The following RUNX3 variants were observed in gnomAD, a reference collection of about 807,000 sequenced individuals.
RUNX3 encodes RUNX family transcription factor 3.
A neutral mutation model predicts 27.7 loss-of-function variants in RUNX3; 10 were observed. The observed-to-expected ratio is 0.36, with a 90% confidence interval of 0.22 to 0.61. The LOEUF is 0.61. RUNX3 is among the 20% of genes least tolerant of loss of function. RUNX3 has a pLI of 0.72. For missense variants in RUNX3, 469 were observed against 629.5 expected, an observed-to-expected ratio of 0.75 and a Z score of 2.73; for synonymous variants, 270 against 269.2, an observed-to-expected ratio of 1.00 and a Z score of -0.03.
chr1:24,930,645 T>G (rs535987934), upstream of RUNX3, among the ~76,000 whole-genome samples: 158 of 152,248 alleles, frequency 1.0e-3, no homozygotes, highest in Admixed American at 2.4e-3. The surrounding 1 kb of genome is among the most constrained non-coding windows in gnomAD (Gnocchi z 4.1). Context: ...GCGGCCGGGC[T>G]TCCCCAGCTC....
chr1:24,937,732 A>C (rs779170523), intron 2 of RUNX3, among the ~76,000 whole-genome samples: 4 of 152,212 alleles, frequency 2.6e-5, no homozygotes, highest in Non-Finnish European at 4.4e-5. Flanking sequence ...AGGCCAGAGA[A>C]GTGAAGGTTC....
rs1255138128 is a variant in RUNX3 at position 24,949,848 on chromosome 1, CAG to C, written c.58+14664_58+14665del. Among the ~76,000 whole-genome samples, 3 of 152,364 alleles carry C rather than the reference CAG, an allele frequency of 2.0e-5. No individual in the cohort carries two copies. The East Asian group carries it at 5.8e-4, about 29-fold the overall frequency. On this transcript the variant is annotated intron_variant, in intron 2 of 6. Coordinates refer to the RUNX3 transcript ENST00000338888. ...CTTGGCAGAAGGGTGGGCCTTGGCTCAGAGCATGGGGCCACCCCAGGAGGGGT... is the reference window on the plus strand; with the variant it reads ...CTTGGCAGAAGGGTGGGCCTTGGCTCAGCATGGGGCCACCCCAGGAGGGGT...
intron 2 of RUNX3, among the ~76,000 whole-genome samples, chr1:24,950,809 G>A (rs1024255541): frequency 1.3e-5 from 2 of 152,174 alleles, no homozygotes; most frequent in Admixed American, 1.3e-4. Flanking sequence ...CATGACCCTG[G>A]ATCAGGCAGA....
upstream of RUNX3, among the ~76,000 whole-genome samples, chr1:24,931,741 G>A (rs1641233525): frequency 6.6e-6 from 1 of 152,216 alleles, no homozygotes; most frequent in Admixed American, 6.5e-5. Context: ...GTGCGCTCCA[G>A]GGGCGAAGGA....
At chr1:24,906,965 G>A (rs530250799) in intron 4 of RUNX3, among the ~76,000 whole-genome samples, 2 of 152,310 alleles carry the variant, frequency 1.3e-5, no homozygotes, top group Admixed American at 1.3e-4. Flanking sequence ...GGGCACTATG[G>A]GGTTAACCCC....
intron 2 of RUNX3, among the ~76,000 whole-genome samples, chr1:24,955,324 G>C (rs1232968201): frequency 1.3e-5 from 2 of 152,204 alleles, no homozygotes; most frequent in Non-Finnish European, 2.9e-5. Context: ...GCAGAAGGGA[G>C]AGTTTGACGG....
At chr1:24,907,206 G>C (rs552853837) in intron 4 of RUNX3, 53 bp downstream of exon 4, 1 of 1,569,560 alleles carries the variant, frequency 6.4e-7, no homozygotes, top group Non-Finnish European at 8.6e-7. Context: ...GGACCACATC[G>C]AGGCCCTCCA....
chr1:24,935,127 C>T (rs1305918761), upstream of RUNX3, among the ~76,000 whole-genome samples: 2 of 152,344 alleles, frequency 1.3e-5, no homozygotes, highest in Middle Eastern at 6.8e-3. Flanking sequence ...GGAGCAAGCA[C>T]CTCGAGGCAA....
intron 2 of RUNX3, among the ~76,000 whole-genome samples, chr1:24,954,277 G>C (rs373337107): frequency 6.6e-6 from 1 of 152,226 alleles, no homozygotes; most frequent in Non-Finnish European, 1.5e-5. Context: ...GTTCTACAAC[G>C]TAAAATGCAG....
rs117654290 is a variant in RUNX3, at chr1:24,913,128, T to A, written c.545-5711A>T. 6.6e-5 allele frequency among the ~76,000 whole-genome samples: 10 copies of A among 152,292 alleles called. No individual in the cohort carries two copies. In the East Asian group the frequency reaches 1.5e-3, roughly 24 times the overall value. The stretch of plus-strand genomic sequence containing the variant: ...ACTGTCTAACCCCTGAGGGTGCCGA[T>A]GAGCTGGAGGACAGGCCACATGCTT... On this transcript the variant is annotated intron_variant, in intron 3 of 4. Transcript: ENST00000308873.
At chr1:24,908,222 CTGAACCTCTATGA>C (rs1640719947) in intron 3 of RUNX3, among the ~76,000 whole-genome samples, 14 of 148,204 alleles carry the variant, frequency 9.4e-5, no homozygotes, top group African/African-American at 3.3e-4. Context: ...ACGCGGTGAT[CTGAACCTCTATGA>C]CACGCGGTGA....
At position 24,927,554 on chromosome 1, in the gene RUNX3, G is replaced by T. The variant is rs771718075; in HGVS notation, c.439+20C>A. 1 of 1,613,026 alleles carries T rather than the reference G, an allele frequency of 6.2e-7. No individual in the cohort carries two copies. Among genetic ancestry groups the T allele is most frequent in the Non-Finnish European group, 8.5e-7 (1 of 1,179,328 alleles). On this transcript the variant is annotated intron_variant, in intron 2 of 4. Coordinates refer to ENST00000308873, the MANE Select transcript of RUNX3 (RefSeq NM_004350.3). This position sits in a 1 kb window ranked among gnomAD's most constrained non-coding sequence, Gnocchi z 5.0. The stretch of plus-strand genomic sequence containing the variant: ...CTGCCATTGCCAATGCTGAAATGGC[G>T]AGGCCTCCCTTCCACTTACCTCGCC...
At chr1:24,959,630 T>C (rs895769769) in intron 2 of RUNX3, among the ~76,000 whole-genome samples, 4 of 152,272 alleles carry the variant, frequency 2.6e-5, no homozygotes, top group Admixed American at 1.3e-4. Context: ...TCCCCTGTTA[T>C]TGGAACTTCC....
intron 2 of RUNX3, among the ~76,000 whole-genome samples, chr1:24,947,796 C>T (rs183636979): frequency 5.8e-4 from 89 of 152,324 alleles, no homozygotes; most frequent in African/African-American, 1.7e-3. Flanking sequence ...AGATCACAGC[C>T]GGAGCTGGCA....
rs1415660480 is a variant in RUNX3 at position 24,923,868 on chromosome 1, A to T, written c.439+3706T>A. ...CCAGTTGATCACAGCTCGAGAGCTC[A>T]TGTGCTTTTCATTTTCACTTAGGCC... On this transcript the variant is annotated intron_variant, in intron 2 of 4. Coordinates refer to ENST00000308873, the MANE Select transcript of RUNX3 (RefSeq NM_004350.3). This position sits in a 1 kb window ranked among gnomAD's most constrained non-coding sequence, Gnocchi z 5.9. Among the ~76,000 whole-genome samples the T allele has an allele frequency of 6.6e-6, 1 of 152,120 alleles. No homozygotes were observed. Among genetic ancestry groups the T allele is most frequent in the Non-Finnish European group, 1.5e-5 (1 of 68,008 alleles).
intron 2 of RUNX3, among the ~76,000 whole-genome samples, chr1:24,956,248 G>T (rs1641920748): frequency 6.6e-6 from 1 of 152,214 alleles, no homozygotes; most frequent in Non-Finnish European, 1.5e-5. Context: ...CCTGTTCCTG[G>T]GAGGGTGGGA....
At chr1:24,959,236 C>T (rs1158177642) in intron 2 of RUNX3, among the ~76,000 whole-genome samples, 4 of 152,206 alleles carry the variant, frequency 2.6e-5, no homozygotes, top group Non-Finnish European at 4.4e-5. Context: ...GCCTCCAGCC[C>T]GCCAGAGTGG....
intron 2 of RUNX3, among the ~76,000 whole-genome samples, chr1:24,953,402 G>GAAAAAAAAAAAAAAAAAAAA (rs553316885): frequency 1.4e-5 from 1 of 70,480 alleles, no homozygotes; most frequent in African/African-American, 5.2e-5. Context: ...AAAGAAAAAT[G>GAAAAAAAAAAAAAAAAAAAA]AAAAAAAAAA....
chr1:24,926,387 CTG>C (rs1641100848), intron 2 of RUNX3, among the ~76,000 whole-genome samples: 1 of 152,192 alleles, frequency 6.6e-6, no homozygotes, highest in Non-Finnish European at 1.5e-5. Flanking sequence ...TGAAAGAAAT[CTG>C]TGTGTGGGGA....
Sources: allele counts gnomAD v4.1 joint callset (sites outside exome capture counted in the v4.1 genomes callset), GRCh38; gene constraint gnomAD v4.1.1; non-coding constraint Gnocchi (gnomAD v3.1); transcripts MANE v1.5; gene names NCBI Gene and HGNC (gene_info 2026-07-23, HGNC 2026-07-21).